Variants in ASTN1 observed in about 807,000 individuals in gnomAD.
ASTN1 encodes the protein astrotactin-1.
A neutral mutation model predicts 140.7 loss-of-function variants in ASTN1; 41 were observed. That is an observed-to-expected ratio of 0.29 (90% CI 0.23 to 0.38). The LOEUF (loss-of-function observed/expected upper bound fraction) is 0.38. Among genes scored for constraint, ASTN1 ranks in the 10% least tolerant of loss-of-function variants. The pLI is 1.00. For missense variants in ASTN1, 1,479 were observed against 1,678.8 expected, an observed-to-expected ratio of 0.88 and a Z score of 2.08; for synonymous variants, 640 against 652.2, an observed-to-expected ratio of 0.98 and a Z score of 0.29.
At chr1:177,080,355 G>T (rs1679122350) in intron 1 of ASTN1, among the ~76,000 whole-genome samples, 1 of 149,122 alleles carries the variant, frequency 6.7e-6, no homozygotes, top group East Asian at 2.0e-4. Context: ...TCCACTGTTT[G>T]ATTTTCATTA....
intron 22 of ASTN1, among the ~76,000 whole-genome samples, chr1:176,865,278 G>A (rs1668091263): frequency 6.6e-6 from 1 of 152,188 alleles, no homozygotes; most frequent in Admixed American, 6.5e-5. Context: ...GGACAGCAAG[G>A]TGCCCCAAGT....
At chr1:176,997,953 G>T (rs1470845934) in intron 8 of ASTN1, among the ~76,000 whole-genome samples, 1 of 152,166 alleles carries the variant, frequency 6.6e-6, no homozygotes, top group Non-Finnish European at 1.5e-5. Context: ...AAAGTGGGGA[G>T]GGGGTAAAGT....
Position 176,957,806 on chromosome 1 carries a change from A to T in ASTN1, c.1759T>A (p.Ser587Thr). The change falls in exon 11 of 23, where the codon TCC becomes ACC. Residue 587 changes from serine to threonine, a missense_variant. Physicochemically the swap from Ser to Thr is moderately conservative, Grantham distance 58 (BLOSUM62 1). Coordinates refer to ENST00000361833, the MANE Select transcript of ASTN1 (RefSeq NM_004319.3). ...EVREELMTSS[S>T]FDSLEVLLDS... ...AAGAGAACCTCCAGGCTGTCGAAGGAGGATGAAGTCATCAGCTCCTCTCTG... is the reference window on the plus strand; with the variant it reads ...AAGAGAACCTCCAGGCTGTCGAAGGTGGATGAAGTCATCAGCTCCTCTCTG... The T allele has an allele frequency of 6.2e-7, 1 of 1,614,020 alleles. No individual in the cohort carries two copies. The highest frequency in any genetic ancestry group is 1.3e-5 in the African/African-American group (1 of 75,034).
intron 1 of ASTN1, among the ~76,000 whole-genome samples, chr1:177,146,557 C>G (rs1446761270): frequency 6.6e-6 from 1 of 152,180 alleles, no homozygotes; most frequent in Non-Finnish European, 1.5e-5. Context: ...CTTCCAAATG[C>G]TGGTACATTT....
rs536256963 is a variant in ASTN1, at chr1:176,868,556, T to C, written c.3647+288A>G. Among the ~76,000 whole-genome samples, 107 of 152,326 alleles carry C rather than the reference T, an allele frequency of 7.0e-4. No homozygotes were observed. In the Middle Eastern group the frequency reaches 0.01, roughly 15 times the overall value. On this transcript the variant is annotated intron_variant, in intron 22 of 22. Coordinates refer to ENST00000361833, the MANE Select transcript of ASTN1 (RefSeq NM_004319.3). ...GACCATGCTTTTGACTCTTTGAGTT[T>C]TAGGGTTTGGAATGCAATGTCAACA...
intron 2 of ASTN1, among the ~76,000 whole-genome samples, chr1:177,035,919 C>G (rs1676691779): frequency 6.6e-6 from 1 of 151,986 alleles, no homozygotes; most frequent in Non-Finnish European, 1.5e-5. Context: ...TTATAGGGAG[C>G]TAGAACAGAA....
chr1:177,081,733 G>A (rs1343301252), intron 1 of ASTN1, among the ~76,000 whole-genome samples: 2 of 152,076 alleles, frequency 1.3e-5, no homozygotes, highest in African/African-American at 4.8e-5. Flanking sequence ...GGTTAGAGAG[G>A]ATATCATGTT....
chr1:176,987,734 CT>C (rs1673971205), intron 8 of ASTN1, among the ~76,000 whole-genome samples: 1 of 152,204 alleles, frequency 6.6e-6, no homozygotes, highest in Non-Finnish European at 1.5e-5. Flanking sequence ...TCCCTTCCAT[CT>C]TTCATTTCAA....
rs746278762 is a variant in ASTN1, at chr1:177,120,595, T to C, written c.283+43799A>G. Among the ~76,000 whole-genome samples the C allele has an allele frequency of 2.6e-5, 4 of 152,212 alleles. No homozygotes were observed. The South Asian group carries it at 6.2e-4, about 24-fold the overall frequency. ...CTCTTAAACAAGCCGATTCTTTTGA[T>C]GCAATATTCATGACTCCCAGACACA... On this transcript the variant is annotated intron_variant, in intron 1 of 22. Coordinates refer to ENST00000361833, the MANE Select transcript of ASTN1 (RefSeq NM_004319.3).
At chr1:176,948,091 T>C (rs1672029574) in intron 12 of ASTN1, among the ~76,000 whole-genome samples, 1 of 152,226 alleles carries the variant, frequency 6.6e-6, no homozygotes, top group Non-Finnish European at 1.5e-5. Context: ...TAACATTACA[T>C]GATTATTCAG....
At chr1:177,136,354 CTTTT>C (rs761381263) in intron 1 of ASTN1, among the ~76,000 whole-genome samples, 1 of 131,088 alleles carries the variant, frequency 7.6e-6, no homozygotes. Flanking sequence ...ATTTTTCTTC[CTTTT>C]TTTTTTTTTT....
At chr1:177,158,618 G>C (rs1683345440) in intron 1 of ASTN1, among the ~76,000 whole-genome samples, 1 of 150,688 alleles carries the variant, frequency 6.6e-6, no homozygotes, top group South Asian at 2.1e-4. Flanking sequence ...AGCCTTTTAA[G>C]TTTAATTACA....
chr1:177,035,489 G>A (rs569620216), intron 2 of ASTN1, among the ~76,000 whole-genome samples: 1 of 152,256 alleles, frequency 6.6e-6, no homozygotes, highest in East Asian at 1.9e-4. Context: ...ATAAACAAAC[G>A]ACCTTTAGTA....
intron 14 of ASTN1, among the ~76,000 whole-genome samples, chr1:176,943,402 T>C (rs755097323): frequency 3.3e-5 from 5 of 152,176 alleles, no homozygotes; most frequent in Admixed American, 6.5e-5. Flanking sequence ...TGAGACTCTA[T>C]TGTCTAATGG....
chr1:177,028,651 A>G (rs532981460), intron 5 of ASTN1, among the ~76,000 whole-genome samples: 1 of 152,318 alleles, frequency 6.6e-6, no homozygotes, highest in East Asian at 1.9e-4. Context: ...TCTTACAGGG[A>G]CGCTGCCTAA....
At chr1:177,011,590 C>A (rs1464998028) in intron 8 of ASTN1, among the ~76,000 whole-genome samples, 1 of 151,206 alleles carries the variant, frequency 6.6e-6, no homozygotes, top group Non-Finnish European at 1.5e-5. Context: ...CAAACACACA[C>A]ATACCATACA....
At chr1:177,002,652 A>C (rs1421612469) in intron 8 of ASTN1, among the ~76,000 whole-genome samples, 1 of 152,184 alleles carries the variant, frequency 6.6e-6, no homozygotes, top group Non-Finnish European at 1.5e-5. Flanking sequence ...GTTTGCTCTT[A>C]ATTTTTGAAA....
chr1:177,029,884 G>A, intron 4 of ASTN1, 143 bp from the exon 5 acceptor site: 1 of 770,008 alleles, frequency 1.3e-6, no homozygotes. Context: ...AGGGGGTTGG[G>A]GCTTCCTCAT....
At chr1:176,885,441 C>T (rs1436129297) in intron 18 of ASTN1, among the ~76,000 whole-genome samples, 1 of 152,186 alleles carries the variant, frequency 6.6e-6, no homozygotes, top group African/African-American at 2.4e-5. Context: ...CAGGTTTCCC[C>T]TCTTTCTTCC....
Sources: allele counts gnomAD v4.1 joint callset (sites outside exome capture counted in the v4.1 genomes callset), GRCh38; gene constraint gnomAD v4.1.1; transcripts MANE v1.5; gene names NCBI Gene and HGNC (gene_info 2026-07-23, HGNC 2026-07-21).